Variants in PRKD1 observed in about 807,000 individuals in gnomAD.
PRKD1 encodes protein kinase D1, also known as serine/threonine-protein kinase D1.
PRKD1 carries 63 observed loss-of-function variants against 95.9 expected under a neutral mutation model. That is an observed-to-expected ratio of 0.66 (90% CI 0.54 to 0.81). The LOEUF (loss-of-function observed/expected upper bound fraction) is 0.81. Ranked by LOEUF, PRKD1 falls within the 30% of genes least tolerant of loss-of-function variation. PRKD1 has a pLI of 0.00. For missense variants in PRKD1, 1,048 were observed against 1,165.3 expected (o/e 0.90, Z 1.47); for synonymous variants, 425 against 423.1 (o/e 1.00, Z -0.05).
At chr14:29,886,598 C>T (rs1018195188) in intron 1 of PRKD1, among the ~76,000 whole-genome samples, 4 of 152,156 alleles carry the variant, frequency 2.6e-5, no homozygotes, top group Non-Finnish European at 5.9e-5. Flanking sequence ...GAGAGACCTC[C>T]TAGAAGTGTA....
chr14:29,676,183 GT>G (rs34953735), intron 2 of PRKD1, among the ~76,000 whole-genome samples: 725 of 67,458 alleles, frequency 0.011, no homozygotes, highest in East Asian at 0.048. Flanking sequence ...TTACGTTTTT[GT>G]TTTTTTTTTT....
Position 29,578,352 on chromosome 14 carries a change from G to C in PRKD1, c.2443C>G (p.Leu815Val), listed in dbSNP as rs2138942108. The change falls in exon 17 of 18, where the codon CTT becomes GTT. Residue 815 changes from leucine to valine, a missense_variant. Leu to Val is a conservative substitution (Grantham distance 32, BLOSUM62 1). Coordinates refer to ENST00000331968, the MANE Select transcript of PRKD1 (RefSeq NM_002742.3). ...TTTACTTGCAGCAAATTGTTGATAA[G>C]ATCAATGGCTGAAAAAAATTACCAG... ...WKEISHEAID[L>V]INNLLQVKMR... 1 of 1,608,168 alleles carries C rather than the reference G, an allele frequency of 6.2e-7. No homozygotes were observed. Among genetic ancestry groups the C allele is most frequent in the Non-Finnish European group, 8.5e-7 (1 of 1,177,354 alleles).
At chr14:29,766,815 AAAC>A (rs1435129342) in intron 1 of PRKD1, among the ~76,000 whole-genome samples, 14 of 152,160 alleles carry the variant, frequency 9.2e-5, no homozygotes, top group African/African-American at 3.1e-4. Flanking sequence ...CAGAGGAACA[AAAC>A]AAAAACTTTT....
chr14:29,915,843 G>A (rs557002279), intron 1 of PRKD1, among the ~76,000 whole-genome samples: 12 of 152,286 alleles, frequency 7.9e-5, no homozygotes, highest in East Asian at 5.8e-4. Flanking sequence ...TCAAGCAAGC[G>A]AATAAAGTAT....
chr14:29,770,860 G>A (rs1888468792), intron 1 of PRKD1, among the ~76,000 whole-genome samples: 1 of 128,260 alleles, frequency 7.8e-6, no homozygotes, highest in Non-Finnish European at 1.6e-5. Context: ...TCCGTGGGAA[G>A]ATCACTTGAG....
At chr14:29,912,860 G>A (rs561289233) in intron 1 of PRKD1, among the ~76,000 whole-genome samples, 176 of 152,228 alleles carry the variant, frequency 1.2e-3, no homozygotes, top group African/African-American at 3.1e-3. Flanking sequence ...AGCACTTTAC[G>A]CTACAGCTTC....
chr14:29,919,859 G>A lies in PRKD1; in HGVS notation c.264+7390C>T, dbSNP rs118180611. On this transcript the variant is annotated intron_variant, in intron 1 of 17. Coordinates refer to ENST00000331968, the MANE Select transcript of PRKD1 (RefSeq NM_002742.3). ...CACATATCTGTAGTCTCAGCTACTC[G>A]GGAGGCTGAGGTGGGAGAATCACCT... is the stretch of plus-strand genomic sequence containing the variant. Among the ~76,000 whole-genome samples the A allele has an allele frequency of 5.4e-3, 818 of 152,050 alleles. 10 individuals are homozygous for A. The highest frequency in any genetic ancestry group is 8.7e-3 in the Non-Finnish European group (594 of 67,958).
intron 16 of PRKD1, among the ~76,000 whole-genome samples, chr14:29,592,985 C>G (rs1466274282): frequency 6.6e-6 from 1 of 152,136 alleles, no homozygotes; most frequent in African/African-American, 2.4e-5. Context: ...TGGATAAGAG[C>G]ATCTGCCTTG....
At chr14:29,586,341 T>C (rs1311431318) in intron 16 of PRKD1, among the ~76,000 whole-genome samples, 1 of 152,116 alleles carries the variant, frequency 6.6e-6, no homozygotes, top group African/African-American at 2.4e-5. Flanking sequence ...ACAAATAATT[T>C]CCCAAATAAC....
intron 1 of PRKD1, among the ~76,000 whole-genome samples, chr14:29,853,294 T>C (rs1451300159): frequency 6.6e-5 from 10 of 152,246 alleles, no homozygotes. Flanking sequence ...ACTGCAATAA[T>C]GCACTTCTGT....
chr14:29,680,422 CG>C (rs1199674872), intron 2 of PRKD1, among the ~76,000 whole-genome samples: 1 of 151,886 alleles, frequency 6.6e-6, no homozygotes, highest in Non-Finnish European at 1.5e-5. Context: ...GTAAGAACCC[CG>C]GATGGTTAAA....
chr14:29,698,366 G>C (rs1884647776), intron 2 of PRKD1, among the ~76,000 whole-genome samples: 1 of 152,072 alleles, frequency 6.6e-6, no homozygotes, highest in South Asian at 2.1e-4. Context: ...CTTTTTTACA[G>C]TTTTGAAATT....
chr14:29,609,222 G>A (rs1350727935), intron 13 of PRKD1, among the ~76,000 whole-genome samples: 3 of 152,078 alleles, frequency 2.0e-5, no homozygotes, highest in African/African-American at 7.2e-5. Context: ...GTTTAATATA[G>A]TTCAAAATTT....
chr14:29,668,305 C>T (rs1882637361), intron 2 of PRKD1, among the ~76,000 whole-genome samples: 1 of 152,076 alleles, frequency 6.6e-6, no homozygotes, highest in Non-Finnish European at 1.5e-5. Flanking sequence ...TCAAAATGGA[C>T]AGATAAGAAT....
intron 1 of PRKD1, among the ~76,000 whole-genome samples, chr14:29,765,271 T>C (rs931078855): frequency 9.9e-5 from 15 of 152,132 alleles, no homozygotes; most frequent in African/African-American, 2.9e-4. Flanking sequence ...GGAATCCAAA[T>C]GGCAAATAAA....
At chr14:29,655,094 G>C (rs908021111) in intron 4 of PRKD1, among the ~76,000 whole-genome samples, 1 of 152,176 alleles carries the variant, frequency 6.6e-6, no homozygotes, top group African/African-American at 2.4e-5. Flanking sequence ...TGCAATGTGG[G>C]AGAAGGAAGT....
At chr14:29,688,552 G>T (rs1000261848) in intron 2 of PRKD1, among the ~76,000 whole-genome samples, 1 of 152,094 alleles carries the variant, frequency 6.6e-6, no homozygotes, top group Non-Finnish European at 1.5e-5. Flanking sequence ...GTGATATCCA[G>T]TGTAGTAACC....
intron 1 of PRKD1, among the ~76,000 whole-genome samples, chr14:29,746,554 A>G (rs1229673215): frequency 6.6e-6 from 1 of 151,826 alleles, no homozygotes; most frequent in Non-Finnish European, 1.5e-5. Context: ...ACACACACAC[A>G]TAATCCCTCT....
chr14:29,832,134 C>T (rs549721771), intron 1 of PRKD1, among the ~76,000 whole-genome samples: 7 of 152,076 alleles, frequency 4.6e-5, no homozygotes, highest in African/African-American at 7.2e-5. Context: ...TTGCTGGATA[C>T]GGCCATATAC....
Sources: gnomAD v4.1 joint callset for allele counts (sites outside exome capture counted in the v4.1 genomes callset) on GRCh38, gnomAD v4.1.1 for gene constraint, MANE v1.5 for transcripts, NCBI Gene and HGNC (gene_info 2026-07-23, HGNC 2026-07-21) for gene names.